PDE10A: variants seen among roughly 807,000 people sequenced by gnomAD.
PDE10A encodes the protein phosphodiesterase 10A.
PDE10A carries 39 observed loss-of-function variants against 97.7 expected under a neutral mutation model. That is an observed-to-expected ratio of 0.40 (90% CI 0.31 to 0.52). The LOEUF is 0.52. Ranked by LOEUF, PDE10A falls within the 20% of genes least tolerant of loss-of-function variation. The pLI, the probability that PDE10A is intolerant of heterozygous loss-of-function variation, is 0.56. For synonymous variants in PDE10A, 371 were observed against 376.8 expected (o/e 0.98, Z 0.18); for missense variants, 731 against 1,047.8 (o/e 0.70, Z 4.17).
chr6:165,748,642 A>G (rs759551175), intron 1 of PDE10A, among the ~76,000 whole-genome samples: 4 of 152,258 alleles, frequency 2.6e-5, no homozygotes, highest in Non-Finnish European at 5.9e-5. Context: ...AACTGTTCAC[A>G]GTAACACAGC....
At chr6:165,954,597 C>T (rs978076642) in intron 1 of PDE10A, among the ~76,000 whole-genome samples, 36 of 152,142 alleles carry the variant, frequency 2.4e-4, no homozygotes, top group African/African-American at 8.7e-4. Flanking sequence ...TCATCAAAGG[C>T]ACAGGGTCTC....
chr6:165,636,820 C>G (rs938551126), intron 1 of PDE10A, among the ~76,000 whole-genome samples: 1 of 152,182 alleles, frequency 6.6e-6, no homozygotes, highest in African/African-American at 2.4e-5. Context: ...TAGAAATGCT[C>G]TGCCTAGGTC....
intron 1 of PDE10A, among the ~76,000 whole-genome samples, chr6:165,616,349 A>G (rs1787725938): frequency 6.6e-6 from 1 of 152,182 alleles, no homozygotes; most frequent in Non-Finnish European, 1.5e-5. Flanking sequence ...CCCAGGGAAC[A>G]GTCTTCAGCA....
At chr6:165,804,088 A>G (rs1181287067) in intron 1 of PDE10A, among the ~76,000 whole-genome samples, 1 of 152,180 alleles carries the variant, frequency 6.6e-6, no homozygotes, top group African/African-American at 2.4e-5. Context: ...GAAAGACGGG[A>G]AGGAACCCGT....
At position 165,920,537 on chromosome 6, in the gene PDE10A, T is replaced by C. The variant is rs529161318; in HGVS notation, c.-615+66992A>G. Among the ~76,000 whole-genome samples, 6 of 142,658 alleles carry C rather than the reference T, an allele frequency of 4.2e-5. No homozygotes were observed. The South Asian group carries it at 1.4e-3, about 33-fold the overall frequency. The allele number at this position is 142,658 out of a possible 152,430, so 93.6% of individuals were successfully genotyped here. ...AATCAAGATGCTTATCTTCTAAGAC[T>C]GGGCTTACACACACACACACACACA... On this transcript the variant is annotated intron_variant, in intron 1 of 19. Transcript: ENST00000366882.
intron 1 of PDE10A, among the ~76,000 whole-genome samples, chr6:165,587,504 A>G (rs1014244861): frequency 3.9e-5 from 6 of 152,200 alleles, no homozygotes; most frequent in African/African-American, 1.2e-4. Flanking sequence ...CAAAGGAATT[A>G]CTCATTTAAT....
chr6:165,486,646 C>T (rs969783580), intron 2 of PDE10A, among the ~76,000 whole-genome samples: 15 of 152,186 alleles, frequency 9.9e-5, no homozygotes, highest in African/African-American at 2.4e-4. Context: ...ATCTCATACA[C>T]GGAAGTGAGA....
At chr6:165,538,194 C>T (rs1285131510) in intron 2 of PDE10A, among the ~76,000 whole-genome samples, 3 of 151,592 alleles carry the variant, frequency 2.0e-5, no homozygotes, top group African/African-American at 7.3e-5. Context: ...AAATTAAATC[C>T]CACTTCTAGA....
intron 1 of PDE10A, among the ~76,000 whole-genome samples, chr6:165,715,623 C>A (rs1016879084): frequency 6.6e-6 from 1 of 152,136 alleles, no homozygotes; most frequent in Non-Finnish European, 1.5e-5. Flanking sequence ...CATGCACACA[C>A]GTGAACACAC....
At chr6:165,411,386 T>A (rs1220639531) in intron 13 of PDE10A, among the ~76,000 whole-genome samples, 1 of 152,172 alleles carries the variant, frequency 6.6e-6, no homozygotes, top group African/African-American at 2.4e-5. Context: ...TAATCTCATA[T>A]GACTAGTGTC....
chr6:165,822,624 A>T (rs1779606501), intron 1 of PDE10A, among the ~76,000 whole-genome samples: 2 of 152,186 alleles, frequency 1.3e-5, no homozygotes, highest in Non-Finnish European at 2.9e-5. Context: ...TTAAAAAAAA[A>T]AAAAGAGTGC....
intron 1 of PDE10A, among the ~76,000 whole-genome samples, chr6:165,645,867 A>AAAAAAAAAAAAAAG (rs1313670649): frequency 2.0e-5 from 3 of 151,862 alleles, no homozygotes; most frequent in African/African-American, 7.3e-5. Context: ...AAAAAAAAAA[A>AAAAAAAAAAAAAAG]AAGTTTACTT....
rs118130980 is a variant in PDE10A at position 165,821,527 on chromosome 6, A to T, written c.-615+166002T>A. Among the ~76,000 whole-genome samples the T allele has an allele frequency of 8.7e-3, 961 of 110,294 alleles. 19 individuals carry two copies. In the East Asian group the frequency reaches 0.26, roughly 30 times the overall value. 72.4% of individuals were successfully genotyped at this position (110,294 alleles called of 152,430 possible). A position where few individuals can be genotyped will look rare whatever the true frequency, so the allele number is the denominator to read the frequency against. The stretch of plus-strand genomic sequence containing the variant: ...CAACTTGTTTATAATTATTATTATT[A>T]TTTTTCCGAGACAGTCTTGCTGTGT... On this transcript the variant is annotated intron_variant, in intron 1 of 19. Coordinates refer to the PDE10A transcript ENST00000366882.
At chr6:165,837,936 C>G (rs956267444) in intron 1 of PDE10A, among the ~76,000 whole-genome samples, 1 of 150,882 alleles carries the variant, frequency 6.6e-6, no homozygotes, top group Non-Finnish European at 1.5e-5. Flanking sequence ...CCGCCTGCCT[C>G]GGCCTCCCAA....
intron 1 of PDE10A, among the ~76,000 whole-genome samples, chr6:165,944,874 T>G (rs1378655173): frequency 2.0e-5 from 3 of 152,232 alleles, no homozygotes; most frequent in Admixed American, 1.3e-4. Flanking sequence ...AAGGTCCTTT[T>G]ATGAAAAGTC....
intron 1 of PDE10A, among the ~76,000 whole-genome samples, chr6:165,767,024 A>G (rs1777871227): frequency 2.0e-5 from 3 of 152,214 alleles, no homozygotes; most frequent in African/African-American, 7.2e-5. Flanking sequence ...TTGACTTCTC[A>G]TTTATACCTT....
At chr6:165,824,248 C>T (rs1779660822) in intron 1 of PDE10A, among the ~76,000 whole-genome samples, 1 of 152,182 alleles carries the variant, frequency 6.6e-6, no homozygotes, top group Admixed American at 6.5e-5. Context: ...ACTAAAACTT[C>T]TTAATAGCCG....
intron 1 of PDE10A, among the ~76,000 whole-genome samples, chr6:165,611,609 C>T (rs1437846450): frequency 6.6e-6 from 1 of 152,234 alleles, no homozygotes; most frequent in East Asian, 1.9e-4. Flanking sequence ...CTCAACTTAA[C>T]CTCTGAGCAA....
intron 1 of PDE10A, among the ~76,000 whole-genome samples, chr6:165,872,548 G>T (rs1175783533): frequency 6.6e-6 from 1 of 152,176 alleles, no homozygotes; most frequent in African/African-American, 2.4e-5. Context: ...GCTCCCTCCT[G>T]ACCGAACACA....
Sources: allele counts gnomAD v4.1 joint callset (sites outside exome capture counted in the v4.1 genomes callset), GRCh38; gene constraint gnomAD v4.1.1; transcripts MANE v1.5; gene names NCBI Gene and HGNC (gene_info 2026-07-23, HGNC 2026-07-21).